LRRN2: variants seen among roughly 807,000 people sequenced by gnomAD.
LRRN2 encodes the protein leucine rich repeat neuronal 2.
A neutral mutation model predicts 35.7 loss-of-function variants in LRRN2; 10 were observed. The ratio of observed to expected loss-of-function variants is 0.28; its 90% CI spans 0.17 to 0.47. The LOEUF (loss-of-function observed/expected upper bound fraction) is 0.47, where lower values mean the gene tolerates loss of function less well. LRRN2 is among the 20% of genes least tolerant of loss of function. LRRN2 has a pLI of 0.99. For missense variants in LRRN2, 731 were observed against 940.3 expected (o/e 0.78, Z 2.91); for synonymous variants, 391 against 409.6 (o/e 0.95, Z 0.55).
chr1:204,623,727 C>T (rs1667096512), intron 1 of LRRN2, among the ~76,000 whole-genome samples: 1 of 152,222 alleles, frequency 6.6e-6, no homozygotes, highest in South Asian at 2.1e-4. Context: ...TTCAGACTGT[C>T]ACGTGTATAC....
chr1:204,658,818 C>G (rs554694584), intron 1 of LRRN2, among the ~76,000 whole-genome samples: 4 of 152,346 alleles, frequency 2.6e-5, no homozygotes, highest in African/African-American at 9.6e-5. Flanking sequence ...TTCATCTCCT[C>G]CCCTGCCCTT....
At position 204,668,127 on chromosome 1, in the gene LRRN2, A is replaced by C. The variant is rs147633771; in HGVS notation, c.-227+17193T>G. ...CAAGAGGCCAGTGCTGGCCCCACCA[A>C]GCTAACTTGGTCTGCTCCAAACCAA... On this transcript the variant is annotated intron_variant, in intron 1 of 1. Coordinates refer to ENST00000367177, the MANE Select transcript of LRRN2 (RefSeq NM_201630.2). 1.6e-3 allele frequency among the ~76,000 whole-genome samples: 248 copies of C among 152,300 alleles called. 2 individuals are homozygous for C. Among genetic ancestry groups the C allele is most frequent in the Middle Eastern group, 0.01 (3 of 294 alleles).
chr1:204,665,394 C>G (rs978054261), intron 1 of LRRN2, among the ~76,000 whole-genome samples: 2 of 152,170 alleles, frequency 1.3e-5, no homozygotes, highest in Non-Finnish European at 2.9e-5. Flanking sequence ...CCCACCTCCG[C>G]CTTCCAAAGT....
At chr1:204,672,080 G>A (rs962040667) in intron 1 of LRRN2, among the ~76,000 whole-genome samples, 1 of 152,228 alleles carries the variant, frequency 6.6e-6, no homozygotes, top group Admixed American at 6.5e-5. Context: ...ATAAAGGTGA[G>A]TGGGGAGGAT....
intron 1 of LRRN2, among the ~76,000 whole-genome samples, chr1:204,630,362 A>G (rs921818029): frequency 2.6e-5 from 4 of 152,102 alleles, no homozygotes; most frequent in African/African-American, 9.7e-5. Context: ...GGCTGAGGAG[A>G]CAGGGAGGCA....
In LRRN2 at chr1:204,620,087, C is replaced by G. The variant is rs1666764632; in HGVS notation, c.-95G>C. The G allele has an allele frequency of 3.3e-6, 5 of 1,493,132 alleles. No individual in the cohort carries two copies. Among genetic ancestry groups the G allele is most frequent in the Middle Eastern group, 4.8e-4 (2 of 4,192 alleles). The allele number at this position is 1,493,132 out of a possible 1,614,324, so 92.5% of individuals were successfully genotyped here. On this transcript the variant is annotated 5_prime_UTR_variant, in exon 2 of 2. Coordinates refer to ENST00000367177, the MANE Select transcript of LRRN2 (RefSeq NM_201630.2). ...TAAGGGTCAGCAACCCTGCCAGGGCCCAAGGAACCACCCTCCCAGGGCAGT... is the reference window on the plus strand; with the variant it reads ...TAAGGGTCAGCAACCCTGCCAGGGCGCAAGGAACCACCCTCCCAGGGCAGT...
At chr1:204,654,391 C>T (rs143963617) in intron 1 of LRRN2, among the ~76,000 whole-genome samples, 142 of 152,308 alleles carry the variant, frequency 9.3e-4, no homozygotes, top group African/African-American at 2.7e-3. Flanking sequence ...TTTGTCCCAA[C>T]GGTGGCCTAT....
At chr1:204,629,615 C>T (rs1571640357) in intron 1 of LRRN2, 1 of 174,342 alleles carries the variant, frequency 5.7e-6, no homozygotes, top group African/African-American at 2.4e-5. Flanking sequence ...TCTCTTGCCG[C>T]CACCATGTAA....
intron 1 of LRRN2, among the ~76,000 whole-genome samples, chr1:204,684,764 C>T (rs1327396206): frequency 1.3e-5 from 2 of 152,168 alleles, no homozygotes; most frequent in Non-Finnish European, 2.9e-5. Flanking sequence ...AGCCAGCCGG[C>T]CCGGGAGGAG....
intron 1 of LRRN2, among the ~76,000 whole-genome samples, chr1:204,658,576 G>A (rs1245833677): frequency 1.3e-5 from 2 of 152,150 alleles, no homozygotes; most frequent in African/African-American, 4.8e-5. Context: ...CAGACATGGG[G>A]TGACATGGGG....
intron 1 of LRRN2, chr1:204,633,238 C>T (rs1416197529): frequency 6.6e-6 from 1 of 152,358 alleles, no homozygotes; most frequent in Non-Finnish European, 1.5e-5. Flanking sequence ...GACTTCCCAG[C>T]CTCCAGAACT....
At position 204,672,798 on chromosome 1, in the gene LRRN2, G is replaced by A. The variant is rs574533920; in HGVS notation, c.-227+12522C>T. On this transcript the variant is annotated intron_variant, in intron 1 of 1. Transcript: ENST00000367177. ...TCCAGCTGATAGTTGGGTGGTCACC[G>A]GCCCCCTCAAGCCTCAGTAGCAGCT... is the stretch of plus-strand genomic sequence containing the variant. Among the ~76,000 whole-genome samples the A allele has an allele frequency of 7.2e-5, 11 of 152,240 alleles. No homozygotes were observed. The South Asian group carries it at 1.7e-3, about 23-fold the overall frequency.
Position 204,625,405 on chromosome 1 carries a change from A to G in LRRN2, c.-226-5187T>C, listed in dbSNP as rs548041416. On this transcript the variant is annotated intron_variant, in intron 1 of 1. Transcript: ENST00000367177. ...ATTGCGGTTTTGGCCATGAATTTTA[A>G]TACTAATACTAATACCTAATACTTC... is the stretch of plus-strand genomic sequence containing the variant. Among the ~76,000 whole-genome samples the G allele has an allele frequency of 3.9e-5, 6 of 152,322 alleles. No homozygotes were observed. The East Asian group carries it at 1.2e-3, about 29-fold the overall frequency.
chr1:204,646,583 C>T (rs1405884697), intron 1 of LRRN2, among the ~76,000 whole-genome samples: 1 of 152,060 alleles, frequency 6.6e-6, no homozygotes, highest in Non-Finnish European at 1.5e-5. Flanking sequence ...TCATGAGAAC[C>T]TGGGAGCTGG....
intron 1 of LRRN2, among the ~76,000 whole-genome samples, chr1:204,625,595 T>G (rs1317811417): frequency 5.9e-5 from 9 of 152,154 alleles, no homozygotes; most frequent in Non-Finnish European, 1.3e-4. Flanking sequence ...TTCCTACGTA[T>G]GTGCCCCTTC....
intron 1 of LRRN2, among the ~76,000 whole-genome samples, chr1:204,649,450 C>T (rs1035205823): frequency 8.5e-5 from 13 of 152,092 alleles, no homozygotes; most frequent in Admixed American, 5.9e-4. Flanking sequence ...CAACTGGAAA[C>T]GAGGCTAAGT....
At chr1:204,670,395 C>T (rs549140382) in intron 1 of LRRN2, among the ~76,000 whole-genome samples, 5 of 152,272 alleles carry the variant, frequency 3.3e-5, no homozygotes, top group East Asian at 3.9e-4. Flanking sequence ...AGGAGAATCA[C>T]GACTCTGGCT....
chr1:204,631,877 G>A (rs1383107950), intron 1 of LRRN2, among the ~76,000 whole-genome samples: 4 of 152,148 alleles, frequency 2.6e-5, no homozygotes, highest in African/African-American at 9.7e-5. Flanking sequence ...CAAGCCAGAG[G>A]CAGAATGGTC....
intron 1 of LRRN2, among the ~76,000 whole-genome samples, chr1:204,669,776 G>C (rs1398191338): frequency 6.6e-6 from 1 of 152,222 alleles, no homozygotes; most frequent in Non-Finnish European, 1.5e-5. Context: ...AGAGTGCAGA[G>C]CATGAGGGAG....
Sources: gnomAD v4.1 joint callset for allele counts (sites outside exome capture counted in the v4.1 genomes callset) on GRCh38, gnomAD v4.1.1 for gene constraint, MANE v1.5 for transcripts, NCBI Gene and HGNC (gene_info 2026-07-23, HGNC 2026-07-21) for gene names.